Variants in KDM5A observed in about 807,000 individuals in gnomAD.
The protein encoded by KDM5A is lysine demethylase 5A.
KDM5A carries 42 observed loss-of-function variants against 193.5 expected under a neutral mutation model. The ratio of observed to expected loss-of-function variants is 0.22; its 90% confidence interval spans 0.17 to 0.28. The LOEUF (loss-of-function observed/expected upper bound fraction) is 0.28. KDM5A is among the 10% of genes least tolerant of loss of function. The pLI is 1.00. For synonymous variants in KDM5A, 796 were observed against 718.1 expected (o/e 1.11, Z -1.73); for missense variants, 1,692 against 2,055.1 (o/e 0.82, Z 3.42).
At chr12:360,539 A>G (rs576819398) in intron 5 of KDM5A, among the ~76,000 whole-genome samples, 6 of 152,326 alleles carry the variant, frequency 3.9e-5, no homozygotes, top group African/African-American at 7.2e-5. Context: ...AAACATATAC[A>G]TGACCAGAGA....
At chr12:386,350 T>C (rs1944637395) in intron 1 of KDM5A, among the ~76,000 whole-genome samples, 1 of 152,216 alleles carries the variant, frequency 6.6e-6, no homozygotes, top group Non-Finnish European at 1.5e-5. Flanking sequence ...ATCTGGTGCA[T>C]AACGCTTGTG....
intron 5 of KDM5A, among the ~76,000 whole-genome samples, chr12:360,049 G>A (rs1319942322): frequency 6.6e-6 from 1 of 152,124 alleles, no homozygotes; most frequent in African/African-American, 2.4e-5. Flanking sequence ...GCTGAGGCAG[G>A]CAGATCACTT....
intron 24 of KDM5A, among the ~76,000 whole-genome samples, chr12:299,848 A>T (rs958592404): frequency 1.3e-5 from 2 of 151,910 alleles, no homozygotes; most frequent in African/African-American, 2.4e-5. Flanking sequence ...ATGGAGGAAG[A>T]TCTACCAAGC....
Position 318,358 on chromosome 12 carries a change from G to C in KDM5A, c.2645C>G (p.Ser882Cys). The change falls in exon 19 of 28, where the codon TCT (serine) becomes TGT (cysteine). Residue 882 changes from serine (S) to cysteine (C), a missense_variant. By Grantham distance (112) the Ser-to-Cys change is moderately radical (BLOSUM62 -1). Around this residue, in one of 11 missense-constraint regions of KDM5A, gnomAD observed 965 missense variants for 1,061.0 expected, o/e 0.91. Transcript: ENST00000399788. ...TTCAGGGAGTTCCACATAGAGACTAGAGCCCATATCTATCAACATCTGGAG... is the reference window on the plus strand; with the variant it reads ...TTCAGGGAGTTCCACATAGAGACTACAGCCCATATCTATCAACATCTGGAG... ...SKLQMLIDMG[S>C]SLYVELPELP... 6.2e-7 allele frequency: 1 copy of C among 1,614,116 alleles called. No homozygotes were observed. The highest frequency in any genetic ancestry group is 1.3e-5 in the African/African-American group (1 of 75,030).
chr12:318,449 C>T lies in KDM5A; in HGVS notation c.2554G>A (p.Asp852Asn). 1.9e-6 allele frequency: 3 copies of T among 1,611,842 alleles called. No homozygotes were observed. The highest frequency in any genetic ancestry group is 1.7e-5 in the Admixed American group (1 of 60,010). Residue 852 changes from aspartate (D) to asparagine (N), a missense_variant, in exon 19 of 28, where the codon GAT becomes AAT. Around this residue, in one of 11 missense-constraint regions of KDM5A, gnomAD observed 965 missense variants for 1,061.0 expected, o/e 0.91. Coordinates refer to ENST00000399788, the MANE Select transcript of KDM5A (RefSeq NM_001042603.3). ...QARQVKNLLD[D>N]VEEFHERAQE... ...GCACGTTCATGAAACTCTTCCACAT[C>T]ATCTAGCAGATTCTGAAAAGGTCAA...
At chr12:290,020 T>C (rs1022410567) in intron 27 of KDM5A, among the ~76,000 whole-genome samples, 3 of 150,314 alleles carry the variant, frequency 2.0e-5, no homozygotes, top group South Asian at 4.3e-4. Context: ...GGTGCGATCA[T>C]AGCACATTAA....
rs946403953 is a variant in KDM5A, at chr12:351,961, G to A, written c.1149+244C>T. On this transcript the variant is annotated intron_variant, in intron 9 of 27. Transcript: ENST00000399788. ...TCTACTAAAAACACAAAAATTAGCT[G>A]GGTATGGTGGCAGGCGCCTGCAGTC... Among the ~76,000 whole-genome samples, 38 of 151,832 alleles carry A rather than the reference G, an allele frequency of 2.5e-4. 1 individual carries two copies. The highest frequency in any genetic ancestry group is 2.3e-3 in the Admixed American group (35 of 15,230).
intron 13 of KDM5A, among the ~76,000 whole-genome samples, chr12:330,009 G>A (rs1010843431): frequency 1.3e-5 from 2 of 151,364 alleles, no homozygotes; most frequent in Non-Finnish European, 2.9e-5. Flanking sequence ...TCTGAATTAT[G>A]CAGTGTTTCC....
intron 24 of KDM5A, among the ~76,000 whole-genome samples, chr12:305,190 C>T (rs1943489801): frequency 6.6e-6 from 1 of 152,022 alleles, no homozygotes; most frequent in East Asian, 1.9e-4. Context: ...TCAATCAGCC[C>T]TTGAAAATCA....
intron 12 of KDM5A, 134 bp from the exon 13 acceptor site, chr12:332,072 A>ATTTTCTGATATGT: frequency 1.3e-6 from 1 of 783,992 alleles, no homozygotes; most frequent in Non-Finnish European, 2.1e-6. Flanking sequence ...TACACATATC[A>ATTTTCTGATATGT]GAAAATGATA....
chr12:364,650 T>C (rs1329588251), intron 4 of KDM5A, among the ~76,000 whole-genome samples: 1 of 151,090 alleles, frequency 6.6e-6, no homozygotes, highest in Non-Finnish European at 1.5e-5. Flanking sequence ...GTGGGCGTGG[T>C]GGTGGGCACC....
Position 354,082 on chromosome 12 carries a change from G to A in KDM5A, c.1023C>T (p.Val341=), listed in dbSNP as rs2229352. The stretch of plus-strand genomic sequence containing the variant: ...ATAGAGGTTAGACGTGTACCTCGGC[G>A]ACACATTTAGGACACCTCCAGTCTC... ...PKGDWRCPKC[V]AEECSKPREA... Residue 341 remains valine (V), a synonymous_variant, in exon 8 of 28, where the codon GTC becomes GTT. Transcript: ENST00000399788. 10 of 1,613,122 alleles carry A rather than the reference G, an allele frequency of 6.2e-6. No homozygotes were observed. Among genetic ancestry groups the A allele is most frequent in the East Asian group, 4.5e-5 (2 of 44,864 alleles).
At position 366,044 on chromosome 12, in the gene KDM5A, C is replaced by T; in HGVS notation, c.427G>A (p.Gly143Ser). The change falls in exon 4 of 28, where the codon GGT becomes AGT. Residue 143 changes from glycine to serine, a missense_variant. By Grantham distance (56) the Gly-to-Ser change is moderately conservative. Coordinates refer to ENST00000399788, the MANE Select transcript of KDM5A (RefSeq NM_001042603.3). ...CCTGGCAGATATCCCAAGCGACTAC[C>T]CACTTTAGACCATTTCTTCTCTTTG... Reference protein sequence around the residue: ...VTKEKKWSKVGSRLGYLPGKG... With the variant: ...VTKEKKWSKVSSRLGYLPGKG... The T allele has an allele frequency of 6.2e-7, 1 of 1,613,932 alleles. No homozygotes were observed. Among genetic ancestry groups the T allele is most frequent in the Non-Finnish European group, 8.5e-7 (1 of 1,179,776 alleles).
chr12:296,939 A>G, intron 25 of KDM5A, 102 bp downstream of exon 25: 1 of 1,228,518 alleles, frequency 8.1e-7, no homozygotes, highest in Non-Finnish European at 1.2e-6. Context: ...ATGGCCAACC[A>G]TTGTACTCCA....
At chr12:286,119 T>C (rs1443987530) in intron 27 of KDM5A, 1 of 486,872 alleles carries the variant, frequency 2.1e-6, no homozygotes, top group Admixed American at 2.3e-5. Context: ...CTAAGAGCAT[T>C]AAATACCTTT....
At chr12:330,779 G>A (rs1177368470) in intron 13 of KDM5A, among the ~76,000 whole-genome samples, 1 of 152,032 alleles carries the variant, frequency 6.6e-6, no homozygotes, top group Non-Finnish European at 1.5e-5. Context: ...ATTAGCAAAG[G>A]AAACAAAAAC....
At chr12:372,061 A>C (rs1944434605) in intron 3 of KDM5A, among the ~76,000 whole-genome samples, 1 of 152,222 alleles carries the variant, frequency 6.6e-6, no homozygotes, top group Non-Finnish European at 1.5e-5. Flanking sequence ...CTTTTGGCTT[A>C]GGATTGACTT....
At chr12:333,845 C>G (rs1943892790) in intron 11 of KDM5A, among the ~76,000 whole-genome samples, 196 bp from the exon 12 acceptor site, 1 of 152,146 alleles carries the variant, frequency 6.6e-6, no homozygotes, top group South Asian at 2.1e-4. Flanking sequence ...TATGTATAGG[C>G]AGATACAAAC....
At chr12:361,981 C>G (rs1022081956) in intron 5 of KDM5A, among the ~76,000 whole-genome samples, 2 of 152,136 alleles carry the variant, frequency 1.3e-5, no homozygotes, top group African/African-American at 2.4e-5. Flanking sequence ...CTCCAGACCT[C>G]TCCTCTACAC....
Sources: gnomAD v4.1 joint callset for allele counts (sites outside exome capture counted in the v4.1 genomes callset) on GRCh38, gnomAD v4.1.1 for gene constraint, gnomAD v4.1.1 regional missense constraint, MANE v1.5 for transcripts, NCBI Gene and HGNC (gene_info 2026-07-23, HGNC 2026-07-21) for gene names.